The following PIK3R1 variants were observed in gnomAD, a reference collection of about 807,000 sequenced individuals.
PIK3R1 encodes the protein phosphoinositide-3-kinase regulatory subunit 1.
In PIK3R1, 29 loss-of-function variants were observed where a neutral mutation model predicts 98.0. The ratio of observed to expected loss-of-function variants is 0.30; its 90% confidence interval spans 0.22 to 0.40. The LOEUF is 0.40. Among genes scored for constraint, PIK3R1 ranks in the 10% least tolerant of loss-of-function variants. The probability of loss-of-function intolerance (pLI) is 1.00; values close to 1 mark genes in which losing one functional copy is unlikely to be tolerated. For synonymous variants in PIK3R1, 282 were observed against 311.8 expected (o/e 0.90, Z 1.01); for missense variants, 596 against 872.7 (o/e 0.68, Z 3.99).
At chr5:68,284,265 C>G (rs888469200) in intron 7 of PIK3R1, among the ~76,000 whole-genome samples, 3 of 152,204 alleles carry the variant, frequency 2.0e-5, no homozygotes, top group African/African-American at 7.2e-5. Context: ...TCCACCCATT[C>G]CTCATTAGTT....
At chr5:68,295,617 T>A in intron 14 of PIK3R1, 129 bp downstream of exon 14, 1 of 767,030 alleles carries the variant, frequency 1.3e-6, no homozygotes, top group Non-Finnish European at 2.3e-6. Context: ...AGAAAATGTA[T>A]AAACTCAGTG....
chr5:68,278,192 T>C (rs1746660461), intron 4 of PIK3R1, among the ~76,000 whole-genome samples: 1 of 152,072 alleles, frequency 6.6e-6, no homozygotes, highest in South Asian at 2.1e-4. Context: ...CCCCCATTAT[T>C]GGATTGCTTG....
At chr5:68,256,269 G>T (rs1369775589) in intron 2 of PIK3R1, among the ~76,000 whole-genome samples, 2 of 152,014 alleles carry the variant, frequency 1.3e-5, no homozygotes, top group East Asian at 1.9e-4. Flanking sequence ...TCGCTCTGTC[G>T]CACAGGGTGG....
At chr5:68,248,203 C>G (rs1745176213) in intron 2 of PIK3R1, among the ~76,000 whole-genome samples, 1 of 152,078 alleles carries the variant, frequency 6.6e-6, no homozygotes, top group Non-Finnish European at 1.5e-5. Flanking sequence ...TGGTCTTGAA[C>G]TCTTGACCTC....
intron 2 of PIK3R1, among the ~76,000 whole-genome samples, chr5:68,258,356 G>A (rs1745610682): frequency 6.6e-6 from 1 of 152,086 alleles, no homozygotes; most frequent in African/African-American, 2.4e-5. Flanking sequence ...TTGAATTTGA[G>A]GATCCTGTGT....
intron 2 of PIK3R1, among the ~76,000 whole-genome samples, chr5:68,259,912 G>T (rs970516373): frequency 3.3e-5 from 5 of 152,112 alleles, no homozygotes; most frequent in Admixed American, 3.3e-4. Flanking sequence ...TTAAATCCTG[G>T]TGCTGACTAG....
At position 68,227,512 on chromosome 5, in the gene PIK3R1, G is replaced by C. The variant is rs183209384; in HGVS notation, c.334+503G>C. Among the ~76,000 whole-genome samples, 538 of 152,256 alleles carry C rather than the reference G, an allele frequency of 3.5e-3. 2 individuals are homozygous for C. Among genetic ancestry groups the C allele is most frequent in the African/African-American group, 0.012 (512 of 41,542 alleles). ...AACACTTCTGGTTCCAAGCATTTCAGATAAGGAATACTCAACCTGTGTATA... is the reference window on the plus strand; with the variant it reads ...AACACTTCTGGTTCCAAGCATTTCACATAAGGAATACTCAACCTGTGTATA... On this transcript the variant is annotated intron_variant, in intron 2 of 15. Transcript: ENST00000521381.
chr5:68,257,368 T>C (rs1332532508), intron 2 of PIK3R1, among the ~76,000 whole-genome samples: 1 of 152,016 alleles, frequency 6.6e-6, no homozygotes, highest in Non-Finnish European at 1.5e-5. Flanking sequence ...TGCTGTTCTT[T>C]TTACCCCTTT....
intron 2 of PIK3R1, among the ~76,000 whole-genome samples, chr5:68,235,836 T>G (rs115167403): frequency 2.3e-3 from 347 of 152,298 alleles, no homozygotes; most frequent in African/African-American, 7.9e-3. Context: ...CCTTAAACAT[T>G]TGCAAACTTA....
In PIK3R1 at chr5:68,273,590, T is replaced by G. The variant is rs1032609540; in HGVS notation, c.427+108T>G. The G allele has an allele frequency of 4.3e-6, 4 of 940,418 alleles. No individual in the cohort carries two copies. The Admixed American group carries it at 7.0e-5, about 16-fold the overall frequency. 58.3% of individuals were successfully genotyped at this position (940,418 alleles called of 1,614,324 possible). A position where few individuals can be genotyped will look rare whatever the true frequency, so the allele number is the denominator to read the frequency against. The stretch of plus-strand genomic sequence containing the variant: ...TAAGTAAATTTCCTACTACCAGCTA[T>G]GTCCAGATACTCTGCTGGACACTCA... On this transcript the variant is annotated intron_variant, in intron 3 of 15. Transcript: ENST00000521381.
In PIK3R1 at chr5:68,293,341, G is replaced by A. The variant is rs766524768; in HGVS notation, c.1157G>A (p.Arg386Gln). 7 of 1,612,386 alleles carry A rather than the reference G, an allele frequency of 4.3e-6. No homozygotes were observed. Among genetic ancestry groups the A allele is most frequent in the Admixed American group, 3.3e-5 (2 of 59,918 alleles). Residue 386 changes from arginine (R) to glutamine (Q), a missense_variant, in exon 10 of 16, where the codon CGA becomes CAA. Physicochemically the swap from Arg to Gln is conservative, Grantham distance 43. Coordinates refer to ENST00000521381, the MANE Select transcript of PIK3R1 (RefSeq NM_181523.3). ...GNNKLIKIFHRDGKYGFSDPL... is the reference protein window; with the variant it reads ...GNNKLIKIFHQDGKYGFSDPL... ...AACAAATTAATCAAAATATTTCATC[G>A]AGATGGGAAATATGGCTTCTCTGAC...
Position 68,300,329 on chromosome 5 carries a change from A to G in PIK3R1, c.*2728A>G, listed in dbSNP as rs113647997. The G allele has an allele frequency of 0.011, 2,656 of 232,912 alleles. 73 individuals carry two copies. The highest frequency in any genetic ancestry group is 0.054 in the African/African-American group (2,468 of 45,422). The allele number at this position is 232,912 out of a possible 1,614,324, so 14.4% of individuals were successfully genotyped here. On this transcript the variant is annotated 3_prime_UTR_variant, in exon 16 of 16. Coordinates refer to ENST00000521381, the MANE Select transcript of PIK3R1 (RefSeq NM_181523.3). ...CATTTGTCGTTTTAGATACTTTGCT[A>G]GCCGGCCACTTTGGATTTCATCAGA...
At chr5:68,275,811 A>G (rs1746547917) in intron 4 of PIK3R1, among the ~76,000 whole-genome samples, 1 of 152,208 alleles carries the variant, frequency 6.6e-6, no homozygotes, top group Non-Finnish European at 1.5e-5. Context: ...AGGAAGCTCC[A>G]AAATAGTCAC....
At chr5:68,222,609 A>G (rs987051898) in intron 1 of PIK3R1, among the ~76,000 whole-genome samples, 3 of 152,180 alleles carry the variant, frequency 2.0e-5, no homozygotes, top group African/African-American at 7.2e-5. Context: ...GTCTCTTTGG[A>G]AGAAAATTTG....
intron 2 of PIK3R1, among the ~76,000 whole-genome samples, chr5:68,257,503 G>T (rs1183202510): frequency 2.6e-5 from 4 of 152,232 alleles, no homozygotes; most frequent in Non-Finnish European, 5.9e-5. Flanking sequence ...GTGACAGCCA[G>T]TTGGGGTGGG....
At chr5:68,241,378 A>T (rs1580190092) in intron 2 of PIK3R1, among the ~76,000 whole-genome samples, 4 of 63,466 alleles carry the variant, frequency 6.3e-5, no homozygotes, top group African/African-American at 7.3e-5. Flanking sequence ...TGGTGGTTAC[A>T]ATTTTTTTTG....
At chr5:68,216,683 C>T (rs1253428135) in intron 1 of PIK3R1, among the ~76,000 whole-genome samples, 1 of 150,072 alleles carries the variant, frequency 6.7e-6, no homozygotes, top group Non-Finnish European at 1.5e-5. Context: ...CGGGAGGGAC[C>T]TGCCCAGCAA....
At chr5:68,234,937 G>A (rs1340819891) in intron 2 of PIK3R1, among the ~76,000 whole-genome samples, 2 of 152,134 alleles carry the variant, frequency 1.3e-5, no homozygotes, top group East Asian at 3.9e-4. Context: ...TGGGACCAGT[G>A]CCACAGCAAG....
intron 2 of PIK3R1, among the ~76,000 whole-genome samples, chr5:68,247,043 C>T (rs1016882011): frequency 1.3e-5 from 2 of 152,136 alleles, no homozygotes; most frequent in East Asian, 3.9e-4. Flanking sequence ...AAGGTGTTTG[C>T]CGTTCTCACA....
Sources: gnomAD v4.1 joint callset for allele counts (sites outside exome capture counted in the v4.1 genomes callset) on GRCh38, gnomAD v4.1.1 for gene constraint, MANE v1.5 for transcripts, NCBI Gene and HGNC (gene_info 2026-07-23, HGNC 2026-07-21) for gene names.